FGD5: variants seen among roughly 807,000 people sequenced by gnomAD.
FGD5 encodes the protein FYVE, RhoGEF and PH domain containing 5.
FGD5 carries 28 observed loss-of-function variants against 133.4 expected under a neutral mutation model. The observed-to-expected ratio is 0.21, with a 90% CI of 0.16 to 0.29. FGD5 has a LOEUF of 0.29. FGD5 is among the 10% of genes least tolerant of loss of function. The probability of loss-of-function intolerance (pLI) is 1.00; values close to 1 mark genes in which losing one functional copy is unlikely to be tolerated. For synonymous variants in FGD5, 810 were observed against 776.5 expected (o/e 1.04, Z -0.72); for missense variants, 1,858 against 1,895.2 (o/e 0.98, Z 0.36).
intron 1 of FGD5, among the ~76,000 whole-genome samples, chr3:14,859,136 A>T (rs1029562445): frequency 2.0e-5 from 3 of 152,232 alleles, no homozygotes; most frequent in African/African-American, 7.2e-5. Context: ...TGATTGACAA[A>T]TCATAATCCT....
Position 14,884,933 on chromosome 3 carries a change from G to A in FGD5, c.2748+4161G>A, listed in dbSNP as rs115272860. Reference sequence around the variant, plus strand: ...GAGGCATTCACTCCCTGGCGCCGAGGTTATCTACCGCGACATCTAGAGAAA... The same window carrying A: ...GAGGCATTCACTCCCTGGCGCCGAGATTATCTACCGCGACATCTAGAGAAA... On this transcript the variant is annotated intron_variant, in intron 4 of 19. Transcript: ENST00000285046. Among the ~76,000 whole-genome samples the A allele has an allele frequency of 1.4e-3, 215 of 152,084 alleles. 1 individual carries two copies. Among genetic ancestry groups the A allele is most frequent in the African/African-American group, 4.9e-3 (203 of 41,530 alleles).
intron 2 of FGD5, among the ~76,000 whole-genome samples, chr3:14,870,288 G>C (rs2037581124): frequency 6.6e-6 from 1 of 152,200 alleles, no homozygotes; most frequent in South Asian, 2.1e-4. Context: ...TGAGGTTGGG[G>C]AAAGAAGGGG....
At chr3:14,824,183 A>G (rs916585385) in intron 1 of FGD5, among the ~76,000 whole-genome samples, 19 of 152,210 alleles carry the variant, frequency 1.2e-4, no homozygotes, top group African/African-American at 3.9e-4. Flanking sequence ...CCGCTTTCCT[A>G]CATGAAACAG....
At chr3:14,903,177 C>CGAA (rs1553630401) in intron 9 of FGD5, among the ~76,000 whole-genome samples, 1 of 152,212 alleles carries the variant, frequency 6.6e-6, no homozygotes, top group Non-Finnish European at 1.5e-5. Flanking sequence ...CCATTAAACT[C>CGAA]TAACTCCTCA....
chr3:14,834,635 A>G (rs2036780161), intron 1 of FGD5, among the ~76,000 whole-genome samples: 2 of 152,216 alleles, frequency 1.3e-5, no homozygotes, highest in Admixed American at 6.5e-5. Flanking sequence ...TCAGGTATAC[A>G]TATTTGTAAG....
intron 13 of FGD5, chr3:14,920,619 G>A (rs2038657740): frequency 6.6e-6 from 1 of 152,194 alleles, no homozygotes; most frequent in African/African-American, 2.4e-5. Context: ...TTCAGATGCA[G>A]GGCAGTAACT....
intron 1 of FGD5, among the ~76,000 whole-genome samples, chr3:14,824,280 A>G (rs996238790): frequency 4.6e-5 from 7 of 152,206 alleles, no homozygotes; most frequent in Admixed American, 2.0e-4. Flanking sequence ...GCCAAGAGGC[A>G]TGAGTGACTG....
chr3:14,823,324 C>G (rs1459666214), intron 1 of FGD5, among the ~76,000 whole-genome samples: 1 of 152,134 alleles, frequency 6.6e-6, no homozygotes, highest in East Asian at 1.9e-4. Context: ...CACAGGGAAC[C>G]CGTCACTCCC....
intron 6 of FGD5, 111 bp from the exon 7 acceptor site, chr3:14,898,628 C>A: frequency 1.2e-6 from 1 of 842,074 alleles, no homozygotes. Flanking sequence ...GGGAGAAGTT[C>A]AGCTGGCCCG....
chr3:14,910,958 AG>A (rs763990560), intron 11 of FGD5, 29 bp downstream of exon 11: 5 of 1,598,370 alleles, frequency 3.1e-6, no homozygotes, highest in Non-Finnish European at 2.6e-6. Context: ...AGCCCAGCTC[AG>A]GAACTGCCAA....
At position 14,926,217 on chromosome 3, in the gene FGD5, C is replaced by G. The variant is rs199823784; in HGVS notation, c.4197+19C>G. On this transcript the variant is annotated intron_variant, in intron 18 of 19. Transcript: ENST00000285046. ...CAGTGAGGTAGTAGTGATCTGCACT[C>G]TCTCCCCTCTCCTCTCTCCTGTGAA... The G allele has an allele frequency of 5.7e-4, 918 of 1,611,618 alleles. 5 individuals are homozygous for G. Among genetic ancestry groups the G allele is most frequent in the Non-Finnish European group, 1.0e-4 (119 of 1,178,584 alleles).
Position 14,819,766 on chromosome 3 carries a change from G to A in FGD5, c.695G>A (p.Gly232Asp), listed in dbSNP as rs1185135223. 11 of 1,546,224 alleles carry A rather than the reference G, an allele frequency of 7.1e-6. No homozygotes were observed. The highest frequency in any genetic ancestry group is 2.0e-5 in the Admixed American group (1 of 50,444). ...ASTDPAGADE[G>D]SGPDRPTEDM... is the part of the protein sequence containing the mutation. ...ACAGACCCAGCAGGGGCAGATGAGG[G>A]TTCGGGTCCTGACAGGCCCACGGAG... The change falls in exon 1 of 20, where the codon GGT becomes GAT. Residue 232 changes from glycine to aspartate, a missense_variant. Gly to Asp is a moderately conservative substitution (Grantham distance 94). Transcript: ENST00000285046. This position sits in a 1 kb window ranked among gnomAD's most constrained non-coding sequence, Gnocchi z 4.1.
chr3:14,931,282 A>T (rs1310745143), intron 18 of FGD5: 1 of 152,174 alleles, frequency 6.6e-6, no homozygotes, highest in Non-Finnish European at 1.5e-5. Context: ...ATGGATATTG[A>T]ATTTTGTCAA....
rs541049793 is a variant in FGD5, at chr3:14,904,119, G to C, written c.3264+3058G>C. Among the ~76,000 whole-genome samples the C allele has an allele frequency of 3.3e-5, 5 of 152,318 alleles. No homozygotes were observed. In the East Asian group the frequency reaches 9.7e-4, roughly 29 times the overall value. ...TTTACCACTGTTGATGTTGACCTTG[G>C]TCACCTGGCTGAAGTCACCTGGTGG... is the stretch of plus-strand genomic sequence containing the variant. On this transcript the variant is annotated intron_variant, in intron 9 of 19. Transcript: ENST00000285046.
intron 2 of FGD5, among the ~76,000 whole-genome samples, chr3:14,878,532 C>G (rs62241764): frequency 5.9e-5 from 9 of 152,144 alleles, no homozygotes; most frequent in Non-Finnish European, 1.0e-4. Flanking sequence ...TTGCTGTGTG[C>G]CAGGCACAGT....
chr3:14,872,765 G>A (rs1158799543), intron 2 of FGD5, among the ~76,000 whole-genome samples: 2 of 152,232 alleles, frequency 1.3e-5, no homozygotes, highest in Non-Finnish European at 2.9e-5. Flanking sequence ...CCAGTCCATG[G>A]TGGGTGGTCT....
At chr3:14,907,571 C>G in intron 9 of FGD5, 69 bp from the exon 10 acceptor site, 1 of 1,429,956 alleles carries the variant, frequency 7.0e-7, no homozygotes. Flanking sequence ...AACGCCATGC[C>G]TTACAGAGGA....
rs150717635 is a variant in FGD5 at position 14,913,892 on chromosome 3, C to T, written c.3405+2963C>T. Among the ~76,000 whole-genome samples the T allele has an allele frequency of 1.9e-3, 292 of 152,266 alleles. 9 individuals carry two copies. The East Asian group carries it at 0.043, about 22-fold the overall frequency. On this transcript the variant is annotated intron_variant, in intron 11 of 19. Transcript: ENST00000285046. ...TCTATGGAAGCCTAGCCACCACCCC[C>T]GTTTCCCCTCTCCCTCCTCCTCCTC...
At position 14,821,332 on chromosome 3, in the gene FGD5, T is replaced by C; in HGVS notation, c.2261T>C (p.Leu754Pro). Residue 754 changes from leucine to proline, a missense_variant, in exon 1 of 20, where the codon CTG (leucine) becomes CCG (proline). This residue lies in a region of FGD5 where 1,824 missense variants were observed against 1,848.9 expected (regional missense o/e 0.99). Transcript: ENST00000285046. Reference protein sequence around the residue: ...SFEDRSRPPFLPLPLTKPRSI... With the variant: ...SFEDRSRPPFPPLPLTKPRSI... ...GAAGACCGCTCCCGGCCGCCCTTCCTGCCCTTGCCACTGACCAAGCCACGG... is the reference window on the plus strand; with the variant it reads ...GAAGACCGCTCCCGGCCGCCCTTCCCGCCCTTGCCACTGACCAAGCCACGG... The C allele has an allele frequency of 6.2e-7, 1 of 1,613,998 alleles. No individual in the cohort carries two copies. The highest frequency in any genetic ancestry group is 8.5e-7 in the Non-Finnish European group (1 of 1,179,886).
Sources: allele counts gnomAD v4.1 joint callset (sites outside exome capture counted in the v4.1 genomes callset), GRCh38; gene constraint gnomAD v4.1.1; regional missense constraint gnomAD v4.1.1; non-coding constraint Gnocchi (gnomAD v3.1); transcripts MANE v1.5; gene names NCBI Gene and HGNC (gene_info 2026-07-23, HGNC 2026-07-21).